NOL10: variants seen among roughly 807,000 people sequenced by gnomAD.
The protein encoded by NOL10 is H_NH0074G24.1.
In NOL10, 58 loss-of-function variants were observed where a neutral mutation model predicts 103.5. The ratio of observed to expected loss-of-function variants is 0.56; its 90% CI spans 0.45 to 0.70. The LOEUF is 0.70. Ranked by LOEUF, NOL10 falls within the 30% of genes least tolerant of loss-of-function variation. The probability of loss-of-function intolerance (pLI) is 0.00; values close to 1 mark genes in which losing one functional copy is unlikely to be tolerated. For missense variants in NOL10, 763 were observed against 807.3 expected (o/e 0.95, Z 0.67); for synonymous variants, 287 against 282.5 (o/e 1.02, Z -0.16).
intron 13 of NOL10, among the ~76,000 whole-genome samples, chr2:10,625,681 C>G (rs1677412705): frequency 1.3e-5 from 2 of 151,986 alleles, no homozygotes; most frequent in African/African-American, 4.8e-5. Context: ...ATTTACGGTG[C>G]TAGTAATACA....
intron 12 of NOL10, among the ~76,000 whole-genome samples, chr2:10,653,591 ACT>A (rs1236542533): frequency 6.6e-6 from 1 of 150,956 alleles, no homozygotes; most frequent in Non-Finnish European, 1.5e-5. Context: ...ACCACCCACC[ACT>A]CTCTGCCTCC....
intron 20 of NOL10, among the ~76,000 whole-genome samples, chr2:10,574,448 T>C (rs989488032): frequency 6.6e-6 from 1 of 152,094 alleles, no homozygotes; most frequent in Non-Finnish European, 1.5e-5. Flanking sequence ...GAGATCAAGA[T>C]CATCCTGGCT....
At chr2:10,643,631 T>C (rs918159421) in intron 13 of NOL10, among the ~76,000 whole-genome samples, 19 of 152,210 alleles carry the variant, frequency 1.2e-4, no homozygotes, top group African/African-American at 4.6e-4. Context: ...TATGATAATT[T>C]ATATATGTAA....
intron 13 of NOL10, among the ~76,000 whole-genome samples, chr2:10,638,357 C>T (rs1572349928): frequency 1.3e-5 from 2 of 150,622 alleles, no homozygotes; most frequent in East Asian, 3.9e-4. Context: ...CGTAACGTAA[C>T]GTAACAGTAC....
chr2:10,602,074 A>T (rs1676003143), intron 16 of NOL10, among the ~76,000 whole-genome samples: 1 of 152,234 alleles, frequency 6.6e-6, no homozygotes, highest in African/African-American at 2.4e-5. Context: ...TGGAAACAAC[A>T]GCTGGTTCCA....
chr2:10,668,821 A>G (rs1680722953), intron 6 of NOL10, 98 bp from the exon 7 acceptor site: 3 of 421,682 alleles, frequency 7.1e-6, no homozygotes, highest in South Asian at 5.5e-5. Context: ...ATAAGCCACC[A>G]CTTCCTTTTG....
At chr2:10,663,625 A>C (rs1023620964) in intron 8 of NOL10, among the ~76,000 whole-genome samples, 4 of 152,252 alleles carry the variant, frequency 2.6e-5, no homozygotes, top group Non-Finnish European at 5.9e-5. Flanking sequence ...CTTTTTAAAA[A>C]TAAAAAGCTG....
intron 4 of NOL10, among the ~76,000 whole-genome samples, chr2:10,674,039 T>C (rs1345230732): frequency 6.8e-6 from 1 of 146,788 alleles, no homozygotes; most frequent in African/African-American, 2.6e-5. Flanking sequence ...CCTATCACTA[T>C]GGGAAAGAAA....
chr2:10,620,491 T>C (rs773765412), intron 13 of NOL10, among the ~76,000 whole-genome samples: 21 of 152,212 alleles, frequency 1.4e-4, no homozygotes, highest in Admixed American at 3.9e-4. Flanking sequence ...TAGGAAATCC[T>C]GAAGAACGTA....
At position 10,572,014 on chromosome 2, in the gene NOL10, T is replaced by A; in HGVS notation, c.*57A>T. ...TCGTCTGTGTTTAACACCCTAACGATGATCAGTTTGGGGGAGACGTACCCC... is the reference window on the plus strand; with the variant it reads ...TCGTCTGTGTTTAACACCCTAACGAAGATCAGTTTGGGGGAGACGTACCCC... On this transcript the variant is annotated 3_prime_UTR_variant, in exon 21 of 21. Transcript: ENST00000381685. The A allele has an allele frequency of 6.3e-7, 1 of 1,592,722 alleles. No homozygotes were observed. The highest frequency in any genetic ancestry group is 2.2e-5 in the East Asian group (1 of 44,714).
chr2:10,639,288 A>G (rs1314102010), intron 13 of NOL10, among the ~76,000 whole-genome samples: 2 of 152,192 alleles, frequency 1.3e-5, no homozygotes, highest in African/African-American at 2.4e-5. Context: ...TGGGCGTGGC[A>G]GCGTGCGCCT....
intron 12 of NOL10, among the ~76,000 whole-genome samples, chr2:10,650,897 T>C (rs1040335444): frequency 1.3e-5 from 2 of 152,162 alleles, no homozygotes; most frequent in South Asian, 4.1e-4. Context: ...ACTGCTAACA[T>C]CAGCCTCCCT....
chr2:10,609,971 C>T (rs1676466817), intron 13 of NOL10, among the ~76,000 whole-genome samples: 1 of 152,130 alleles, frequency 6.6e-6, no homozygotes, highest in Non-Finnish European at 1.5e-5. Context: ...GTACAAAACA[C>T]ATATGAATTT....
At chr2:10,662,624 C>T (rs1011899908) in intron 9 of NOL10, among the ~76,000 whole-genome samples, 13 of 152,106 alleles carry the variant, frequency 8.5e-5, no homozygotes, top group Non-Finnish European at 1.0e-4. Context: ...CTTCCTTCCA[C>T]CTTAGAATTC....
At chr2:10,583,634 CTA>C (rs1336615258) in intron 19 of NOL10, among the ~76,000 whole-genome samples, 1 of 152,234 alleles carries the variant, frequency 6.6e-6, no homozygotes, top group Non-Finnish European at 1.5e-5. Context: ...TCATCCCTGA[CTA>C]TTCCCTTCTC....
intron 14 of NOL10, among the ~76,000 whole-genome samples, chr2:10,606,067 A>G (rs1025361862): frequency 1.3e-5 from 2 of 152,136 alleles, no homozygotes; most frequent in African/African-American, 4.8e-5. Context: ...CAGCAGAACA[A>G]GATGAGCACC....
At chr2:10,573,582 A>C (rs1361527214) in intron 20 of NOL10, among the ~76,000 whole-genome samples, 1 of 150,996 alleles carries the variant, frequency 6.6e-6, no homozygotes, top group South Asian at 2.1e-4. Context: ...CCTCTTGTGG[A>C]TATTACCCAC....
At chr2:10,579,578 G>A (rs371636118) in intron 19 of NOL10, among the ~76,000 whole-genome samples, 4 of 112,834 alleles carry the variant, frequency 3.5e-5, no homozygotes, top group Non-Finnish European at 5.9e-5. Flanking sequence ...TTTTTTTTCC[G>A]AACAATTCAA....
chr2:10,583,589 T>C (rs1674872002), intron 19 of NOL10, among the ~76,000 whole-genome samples: 1 of 152,246 alleles, frequency 6.6e-6, no homozygotes, highest in Non-Finnish European at 1.5e-5. Context: ...TCTGTATTTT[T>C]TACCTCAATG....
Sources: gnomAD v4.1 joint callset for allele counts (sites outside exome capture counted in the v4.1 genomes callset) on GRCh38, gnomAD v4.1.1 for gene constraint, MANE v1.5 for transcripts, NCBI Gene and HGNC (gene_info 2026-07-23, HGNC 2026-07-21) for gene names.